Variants in SAMD4A observed in about 807,000 individuals in gnomAD.
SAMD4A encodes protein Smaug homolog 1.
In SAMD4A, 33 loss-of-function variants were observed where a neutral mutation model predicts 81.3. That is an observed-to-expected ratio of 0.41 (90% CI 0.31 to 0.54). The LOEUF (loss-of-function observed/expected upper bound fraction) is 0.54. SAMD4A is among the 20% of genes least tolerant of loss of function. The probability of loss-of-function intolerance (pLI) is 0.37; values close to 1 mark genes in which losing one functional copy is unlikely to be tolerated. For synonymous variants in SAMD4A, 389 were observed against 382.1 expected, an observed-to-expected ratio of 1.02 and a Z score of -0.21; for missense variants, 854 against 951.1, an observed-to-expected ratio of 0.90 and a Z score of 1.34.
Position 54,756,571 on chromosome 14 carries a change from G to C in SAMD4A, c.1177-3590G>C, listed in dbSNP as rs149611291. ...TATCCCCAGTGTGTAACAGTGCCTG[G>C]TTGATGACAGGGCTCAGCAGCTGAT... is the stretch of plus-strand genomic sequence containing the variant. On this transcript the variant is annotated intron_variant, in intron 6 of 12. Transcript: ENST00000554335. Among the ~76,000 whole-genome samples, 211 of 152,296 alleles carry C rather than the reference G, an allele frequency of 1.4e-3. 2 individuals are homozygous for C. Among genetic ancestry groups the C allele is most frequent in the Non-Finnish European group, 2.2e-3 (148 of 68,024 alleles).
chr14:54,595,393 A>G (rs1306824485), intron 2 of SAMD4A, among the ~76,000 whole-genome samples: 3 of 149,392 alleles, frequency 2.0e-5, no homozygotes, highest in Admixed American at 6.7e-5. Context: ...CTGGTGCCAT[A>G]TATATATATG....
chr14:54,679,130 G>GT (rs1245222567), intron 2 of SAMD4A, among the ~76,000 whole-genome samples: 2 of 152,150 alleles, frequency 1.3e-5, no homozygotes, highest in African/African-American at 2.4e-5. Flanking sequence ...GATAAGCTGG[G>GT]TTTTTTTCTA....
chr14:54,615,555 T>C (rs1423031566), intron 2 of SAMD4A, among the ~76,000 whole-genome samples: 1 of 152,254 alleles, frequency 6.6e-6, no homozygotes, highest in East Asian at 1.9e-4. Context: ...AGCAGATGTT[T>C]GTGGATTGAC....
In SAMD4A at chr14:54,592,804, A is replaced by G. The variant is rs529665995; in HGVS notation, c.196+24692A>G. ...TACAGAGAAGTAAAAGAAGAAAATC[A>G]TCATCATTGATCCTGCCACCCAGAG... On this transcript the variant is annotated intron_variant, in intron 2 of 12. Transcript: ENST00000554335. 3.9e-5 allele frequency among the ~76,000 whole-genome samples: 6 copies of G among 152,342 alleles called. No homozygotes were observed. In the East Asian group the frequency reaches 7.7e-4, roughly 20 times the overall value.
chr14:54,750,717 G>A (rs992752261), intron 5 of SAMD4A, among the ~76,000 whole-genome samples: 1 of 152,188 alleles, frequency 6.6e-6, no homozygotes, highest in Non-Finnish European at 1.5e-5. Flanking sequence ...ACACAGGGAG[G>A]GTTTGAGAAA....
chr14:54,763,443 C>G (rs1230900592), intron 7 of SAMD4A, among the ~76,000 whole-genome samples: 3 of 152,142 alleles, frequency 2.0e-5, no homozygotes, highest in Non-Finnish European at 4.4e-5. Flanking sequence ...AGATGGCATA[C>G]TATTCCACTG....
chr14:54,618,042 T>C (rs2034531082), intron 2 of SAMD4A, among the ~76,000 whole-genome samples: 1 of 152,198 alleles, frequency 6.6e-6, no homozygotes, highest in Admixed American at 6.5e-5. Context: ...CCGAAGGAGT[T>C]TGCAATTGAT....
chr14:54,683,699 G>C (rs559865906), intron 2 of SAMD4A, among the ~76,000 whole-genome samples: 1 of 152,316 alleles, frequency 6.6e-6, no homozygotes, highest in Admixed American at 6.5e-5. Context: ...GATCATTTGA[G>C]CCATAAAGAA....
intron 4 of SAMD4A, among the ~76,000 whole-genome samples, chr14:54,748,596 A>G (rs2038023775): frequency 2.0e-5 from 3 of 152,232 alleles, no homozygotes; most frequent in Admixed American, 2.0e-4. Flanking sequence ...CTCCTGGTCT[A>G]AGTAGAATAA....
intron 2 of SAMD4A, among the ~76,000 whole-genome samples, chr14:54,674,471 C>T (rs1041011261): frequency 1.3e-5 from 2 of 152,214 alleles, no homozygotes; most frequent in African/African-American, 4.8e-5. Context: ...GCCCTTCTGA[C>T]ACTGGTCAGG....
chr14:54,616,891 A>G (rs2034504134), intron 2 of SAMD4A, among the ~76,000 whole-genome samples: 1 of 152,206 alleles, frequency 6.6e-6, no homozygotes, highest in Non-Finnish European at 1.5e-5. Context: ...TAATGAAGAA[A>G]TACTGTCCTT....
At chr14:54,698,112 C>A (rs143072867) in intron 2 of SAMD4A, among the ~76,000 whole-genome samples, 1 of 152,292 alleles carries the variant, frequency 6.6e-6, no homozygotes, top group East Asian at 1.9e-4. Flanking sequence ...GAATTAGGCT[C>A]CACCTTTCAA....
intron 2 of SAMD4A, among the ~76,000 whole-genome samples, chr14:54,606,502 A>C (rs2034210275): frequency 6.6e-6 from 1 of 152,166 alleles, no homozygotes; most frequent in Non-Finnish European, 1.5e-5. Flanking sequence ...GTCAGGCTGC[A>C]CTTGAGGCTG....
chr14:54,566,332 C>T (rs12888709), upstream of SAMD4A, among the ~76,000 whole-genome samples: 1,244 of 151,856 alleles, frequency 8.2e-3, 10 homozygotes, highest in Admixed American at 0.019. Flanking sequence ...CTCCCTACGG[C>T]CCTCGGCGGG....
chr14:54,779,269 G>A (rs2038939495), intron 11 of SAMD4A, among the ~76,000 whole-genome samples: 1 of 152,184 alleles, frequency 6.6e-6, no homozygotes, highest in African/African-American at 2.4e-5. Context: ...TCAGAAAGTG[G>A]CTTTCATCTG....
intron 2 of SAMD4A, among the ~76,000 whole-genome samples, chr14:54,578,767 C>T (rs181425181): frequency 1.8e-4 from 27 of 152,246 alleles, no homozygotes; most frequent in African/African-American, 6.3e-4. Context: ...ATTCCTCCTG[C>T]ACTTTTTGGC....
chr14:54,618,169 A>G (rs923478904), intron 2 of SAMD4A, among the ~76,000 whole-genome samples: 2 of 152,192 alleles, frequency 1.3e-5, no homozygotes, highest in African/African-American at 2.4e-5. Context: ...GCATGGAGCT[A>G]TATGGTATTG....
At chr14:54,626,052 GTGTGT>G (rs1452783757) in intron 2 of SAMD4A, among the ~76,000 whole-genome samples, 1 of 126,200 alleles carries the variant, frequency 7.9e-6, no homozygotes, top group Non-Finnish European at 1.6e-5. Context: ...GTGTGTGTGT[GTGTGT>G]GTGCGCGCGC....
rs1490995883 is a variant in SAMD4A, at chr14:54,771,172, A to G, written c.1715+950A>G. Among the ~76,000 whole-genome samples, 5 of 152,218 alleles carry G rather than the reference A, an allele frequency of 3.3e-5. No homozygotes were observed. The East Asian group carries it at 9.6e-4, about 29-fold the overall frequency. ...TTGAAGTTTGTGAAAAGACTTCATG[A>G]AAGATTAATTTTAACACTGAAGTGT... On this transcript the variant is annotated intron_variant, in intron 9 of 12. Transcript: ENST00000554335.
Sources: allele counts gnomAD v4.1 joint callset (sites outside exome capture counted in the v4.1 genomes callset), GRCh38; gene constraint gnomAD v4.1.1; transcripts MANE v1.5; gene names NCBI Gene and HGNC (gene_info 2026-07-23, HGNC 2026-07-21).